The following AKT3 variants were observed in gnomAD, a reference collection of about 807,000 sequenced individuals.
The protein encoded by AKT3 is AKT serine/threonine kinase 3.
In AKT3, 15 loss-of-function variants were observed where a neutral mutation model predicts 65.3. The observed-to-expected ratio is 0.23, with a 90% CI of 0.15 to 0.35. The LOEUF (loss-of-function observed/expected upper bound fraction) is 0.35, where lower values mean the gene tolerates loss of function less well. Among genes scored for constraint, AKT3 ranks in the 10% least tolerant of loss-of-function variants. The probability of loss-of-function intolerance (pLI) is 1.00; values close to 1 mark genes in which losing one functional copy is unlikely to be tolerated. For synonymous variants in AKT3, 206 were observed against 183.8 expected, an observed-to-expected ratio of 1.12 and a Z score of -0.98; for missense variants, 243 against 576.5, an observed-to-expected ratio of 0.42 and a Z score of 5.92.
intron 6 of AKT3, among the ~76,000 whole-genome samples, chr1:243,636,559 GA>G (rs1265031540): frequency 4.6e-5 from 7 of 151,944 alleles, no homozygotes; most frequent in Non-Finnish European, 7.4e-5. Flanking sequence ...CAATTTAAAT[GA>G]AAAAAACTAA....
At chr1:243,610,149 C>T (rs1192495938) in intron 8 of AKT3, among the ~76,000 whole-genome samples, 2 of 152,186 alleles carry the variant, frequency 1.3e-5, no homozygotes, top group African/African-American at 2.4e-5. Flanking sequence ...TAAATTTACA[C>T]TTTCAGCTTT....
chr1:243,541,568 G>C (rs900281268), intron 12 of AKT3, among the ~76,000 whole-genome samples: 5 of 151,988 alleles, frequency 3.3e-5, no homozygotes, highest in Non-Finnish European at 4.4e-5. Context: ...ATAATAGTTA[G>C]AAACCCAGAT....
At chr1:243,536,592 T>G (rs942712299) in intron 12 of AKT3, among the ~76,000 whole-genome samples, 9 of 152,336 alleles carry the variant, frequency 5.9e-5, no homozygotes, top group Middle Eastern at 3.4e-3. Context: ...TCATTCTTAT[T>G]TTTTCCAGTT....
At chr1:243,730,990 G>T (rs940661588) in intron 2 of AKT3, among the ~76,000 whole-genome samples, 3 of 152,154 alleles carry the variant, frequency 2.0e-5, no homozygotes, top group Admixed American at 6.5e-5. Flanking sequence ...CTCATCAGGC[G>T]TGGGATCCGG....
chr1:243,497,313 G>A (rs1026296396), downstream of AKT3, among the ~76,000 whole-genome samples: 30 of 146,788 alleles, frequency 2.0e-4, no homozygotes, highest in Admixed American at 4.1e-4. Context: ...CTCACCATGG[G>A]TCAGGCACGG....
intron 2 of AKT3, among the ~76,000 whole-genome samples, chr1:243,781,409 A>G (rs1690909049): frequency 6.6e-6 from 1 of 151,914 alleles, no homozygotes; most frequent in Non-Finnish European, 1.5e-5. Context: ...TCCTCTTTTT[A>G]TTTGTTCTTA....
chr1:243,592,075 C>T (rs750727141), intron 8 of AKT3, among the ~76,000 whole-genome samples: 29 of 152,134 alleles, frequency 1.9e-4, no homozygotes, highest in Non-Finnish European at 2.9e-4. Flanking sequence ...GTAGCTCACA[C>T]GTGTAATCCC....
intron 2 of AKT3, among the ~76,000 whole-genome samples, chr1:243,716,309 T>G (rs2148095023): frequency 6.6e-6 from 1 of 152,322 alleles, no homozygotes; most frequent in East Asian, 1.9e-4. Context: ...ACGTTGCATC[T>G]TTTAAGAGCT....
At chr1:243,522,878 C>T (rs1011114271) in intron 12 of AKT3, among the ~76,000 whole-genome samples, 7 of 152,014 alleles carry the variant, frequency 4.6e-5, no homozygotes, top group Admixed American at 6.6e-5. Context: ...GTAAAGATGA[C>T]GTGACCAAGA....
At chr1:243,791,732 G>A (rs1691644581) in intron 2 of AKT3, among the ~76,000 whole-genome samples, 1 of 152,112 alleles carries the variant, frequency 6.6e-6, no homozygotes, top group African/African-American at 2.4e-5. Flanking sequence ...TCTCAATAAG[G>A]AGGAGAGGAA....
At chr1:243,819,919 G>A (rs1693754464) in intron 2 of AKT3, among the ~76,000 whole-genome samples, 1 of 151,540 alleles carries the variant, frequency 6.6e-6, no homozygotes, top group East Asian at 1.9e-4. Context: ...AGAGGGGCCT[G>A]TTTTTTTGTT....
intron 13 of AKT3, among the ~76,000 whole-genome samples, chr1:243,489,503 C>G (rs1170569203): frequency 2.6e-5 from 4 of 152,192 alleles, no homozygotes. Flanking sequence ...TGAGCTGCCT[C>G]TGAAGGTCGT....
Position 243,613,747 on chromosome 1 carries a change from T to TA in AKT3, c.628-9dup, listed in dbSNP as rs745855289. On this transcript the variant is annotated splice_polypyrimidine_tract_variant and intron_variant, in intron 7 of 13. Transcript: ENST00000673466. ...GAAGGAATATTTCAAGGACTTGAAA[T>TA]AAAAAAAAGAAAAAATGTTACATTA... 127 of 1,561,208 alleles carry TA rather than the reference T, an allele frequency of 8.1e-5. No homozygotes were observed. The highest frequency in any genetic ancestry group is 1.7e-4 in the Middle Eastern group (1 of 5,870).
chr1:243,683,873 G>A (rs995754703), intron 3 of AKT3, among the ~76,000 whole-genome samples: 1 of 152,046 alleles, frequency 6.6e-6, no homozygotes, highest in African/African-American at 2.4e-5. Context: ...TTCCTCCAAT[G>A]GATAGGATCC....
At chr1:243,495,578 C>T (rs527715306), downstream of AKT3, among the ~76,000 whole-genome samples, 3 of 152,276 alleles carry the variant, frequency 2.0e-5, no homozygotes, top group South Asian at 2.1e-4. Context: ...AGGCCTGACC[C>T]GGAGGGGACG....
chr1:243,766,566 T>G lies in AKT3; in HGVS notation c.47-70850A>C, dbSNP rs75961117. On this transcript the variant is annotated intron_variant, in intron 2 of 13. Transcript: ENST00000673466. ...TAACAAACATTACAATGTCTCATGT[T>G]CTATGGCACAAACATAAACAACCCC... Among the ~76,000 whole-genome samples the G allele has an allele frequency of 1.7e-3, 260 of 152,304 alleles. 6 individuals are homozygous for G. In the East Asian group the frequency reaches 0.028, roughly 16 times the overall value.
At chr1:243,511,069 T>A (rs551540532) in intron 13 of AKT3, among the ~76,000 whole-genome samples, 2 of 152,278 alleles carry the variant, frequency 1.3e-5, no homozygotes, top group Admixed American at 1.3e-4. Flanking sequence ...TCTAAAATTC[T>A]AGCAATGGCA....
At chr1:243,789,047 T>G (rs1444406099) in intron 2 of AKT3, among the ~76,000 whole-genome samples, 1 of 152,220 alleles carries the variant, frequency 6.6e-6, no homozygotes, top group East Asian at 1.9e-4. Flanking sequence ...AGGAGTAGAA[T>G]CCATCTCAAG....
Position 243,798,659 on chromosome 1 carries a change from A to G in AKT3, c.46+44466T>C, listed in dbSNP as rs190939103. On this transcript the variant is annotated intron_variant, in intron 2 of 13. Coordinates refer to ENST00000673466, the MANE Select transcript of AKT3 (RefSeq NM_005465.7). ...TAGCTCACTCCTAGACAGCAAACAA[A>G]CACACTTATCTCCCCATTCTAAAAA... 7.3e-3 allele frequency among the ~76,000 whole-genome samples: 1,107 copies of G among 152,126 alleles called. 11 individuals are homozygous for G. Among genetic ancestry groups the G allele is most frequent in the Non-Finnish European group, 0.012 (802 of 67,976 alleles).
Sources: allele counts gnomAD v4.1 joint callset (sites outside exome capture counted in the v4.1 genomes callset), GRCh38; gene constraint gnomAD v4.1.1; transcripts MANE v1.5; gene names NCBI Gene and HGNC (gene_info 2026-07-23, HGNC 2026-07-21).